TMTC2: variants seen among roughly 807,000 people sequenced by gnomAD.
TMTC2 encodes the protein transmembrane O-mannosyltransferase targeting cadherins 2, also known as protein O-mannosyl-transferase TMTC2.
In TMTC2, 43 loss-of-function variants were observed where a neutral mutation model predicts 82.4. The ratio of observed to expected loss-of-function variants is 0.52; its 90% CI spans 0.41 to 0.67. TMTC2 has a LOEUF of 0.67. TMTC2 is among the 30% of genes least tolerant of loss of function. The pLI is 0.00. For missense variants in TMTC2, 919 were observed against 1,012.4 expected (o/e 0.91, Z 1.25); for synonymous variants, 408 against 381.9 (o/e 1.07, Z -0.80).
chr12:82,721,834 A>G (rs1874220631), intron 1 of TMTC2, among the ~76,000 whole-genome samples: 1 of 152,314 alleles, frequency 6.6e-6, no homozygotes, highest in South Asian at 2.1e-4. Flanking sequence ...TCCATTCACA[A>G]TTGTGTTTGC....
At chr12:83,034,177 T>C (rs1881568133) in intron 9 of TMTC2, among the ~76,000 whole-genome samples, 1 of 152,080 alleles carries the variant, frequency 6.6e-6, no homozygotes, top group African/African-American at 2.4e-5. Flanking sequence ...ATAAACAGGA[T>C]GTCATCTTTA....
rs1489064669 is a variant in TMTC2, at chr12:82,938,438, T to A, written c.1598+7893T>A. Among the ~76,000 whole-genome samples the A allele has an allele frequency of 1.4e-4, 22 of 152,042 alleles. 1 individual carries two copies. The highest frequency in any genetic ancestry group is 1.4e-3 in the Admixed American group (22 of 15,264). ...CAGGGTTTCCTACCAAGCTCCATAG[T>A]AGGGATATGTGTTGGGGATAGAGGG... is the stretch of plus-strand genomic sequence containing the variant. On this transcript the variant is annotated intron_variant, in intron 4 of 11. Coordinates refer to ENST00000321196, the MANE Select transcript of TMTC2 (RefSeq NM_152588.3).
At chr12:82,752,018 T>C (rs1039704901) in intron 1 of TMTC2, among the ~76,000 whole-genome samples, 10 of 152,190 alleles carry the variant, frequency 6.6e-5, no homozygotes, top group Admixed American at 4.6e-4. Flanking sequence ...CATTTTTATA[T>C]GGGAAAAATG....
chr12:82,719,028 G>A (rs1383834547), intron 1 of TMTC2, among the ~76,000 whole-genome samples: 2 of 134,158 alleles, frequency 1.5e-5, no homozygotes, highest in East Asian at 2.2e-4. Context: ...AGTATATAGA[G>A]CTTAATACAA....
chr12:82,775,494 A>G (rs1283359675), intron 1 of TMTC2, among the ~76,000 whole-genome samples: 1 of 151,914 alleles, frequency 6.6e-6, no homozygotes, highest in Non-Finnish European at 1.5e-5. Context: ...AGATTTCCAT[A>G]CTCAGGAATC....
At chr12:82,744,380 G>A (rs2136957573) in intron 1 of TMTC2, among the ~76,000 whole-genome samples, 1 of 152,200 alleles carries the variant, frequency 6.6e-6, no homozygotes, top group South Asian at 2.1e-4. Context: ...CCAAGATTGT[G>A]CCACTGCACT....
rs1213652104 is a variant in TMTC2, at chr12:82,997,201, CT to C, written c.2070+11156del. ...CCCACCCCTCCCCCTCTCCCTCCCC[CT>C]CTCCCTCTCTCTCTCTCTCTATATA... On this transcript the variant is annotated intron_variant, in intron 8 of 11. Coordinates refer to ENST00000321196, the MANE Select transcript of TMTC2 (RefSeq NM_152588.3). Among the ~76,000 whole-genome samples, 13 of 131,640 alleles carry C rather than the reference CT, an allele frequency of 9.9e-5. No individual in the cohort carries two copies. In the South Asian group the frequency reaches 2.6e-3, roughly 26 times the overall value. The allele number at this position is 131,640 out of a possible 152,430, so 86.4% of individuals were successfully genotyped here. A position where few individuals can be genotyped will look rare whatever the true frequency, so the allele number is the denominator to read the frequency against.
intron 8 of TMTC2, among the ~76,000 whole-genome samples, chr12:82,991,645 A>G (rs181543809): frequency 1.1e-4 from 16 of 152,356 alleles, no homozygotes; most frequent in African/African-American, 3.6e-4. Context: ...GTCATGTCCA[A>G]TTAAAATACT....
At chr12:82,936,118 C>A (rs377754817) in intron 4 of TMTC2, among the ~76,000 whole-genome samples, 5 of 151,736 alleles carry the variant, frequency 3.3e-5, no homozygotes, top group Non-Finnish European at 7.4e-5. Context: ...GAAAATCATA[C>A]GAATATATAT....
At chr12:83,023,946 T>C (rs1029547971) in intron 8 of TMTC2, among the ~76,000 whole-genome samples, 1 of 152,254 alleles carries the variant, frequency 6.6e-6, no homozygotes, top group South Asian at 2.1e-4. Flanking sequence ...CAAACATTAA[T>C]ATCAGTTAAC....
intron 1 of TMTC2, among the ~76,000 whole-genome samples, chr12:82,838,784 GT>G (rs201941481): frequency 0.014 from 1,934 of 135,182 alleles, 14 homozygotes; most frequent in African/African-American, 0.017. Context: ...ATTTTTTCTT[GT>G]TTTTTTTTTT....
chr12:83,001,531 A>T (rs10862538), intron 8 of TMTC2, among the ~76,000 whole-genome samples: 115,486 of 150,432 alleles, frequency 0.77, 45,781 homozygotes, highest in South Asian at 0.93. Flanking sequence ...GCTACTTGGG[A>T]GGCTGAGGCA....
At chr12:82,689,969 A>C (rs574189276) in intron 1 of TMTC2, among the ~76,000 whole-genome samples, 230 of 152,372 alleles carry the variant, frequency 1.5e-3, no homozygotes, top group African/African-American at 5.4e-3. Flanking sequence ...ATATGCCATC[A>C]CATATTCTTA....
At chr12:82,828,594 C>T (rs1333123842) in intron 1 of TMTC2, among the ~76,000 whole-genome samples, 1 of 152,098 alleles carries the variant, frequency 6.6e-6, no homozygotes. Flanking sequence ...TTAAGCCTTT[C>T]ATATGAGTGA....
At chr12:82,992,105 G>C (rs1879426384) in intron 8 of TMTC2, among the ~76,000 whole-genome samples, 1 of 152,200 alleles carries the variant, frequency 6.6e-6, no homozygotes, top group South Asian at 2.1e-4. Flanking sequence ...TCTAGCCAAA[G>C]TTAATTAGGC....
intron 1 of TMTC2, among the ~76,000 whole-genome samples, chr12:82,707,624 G>C (rs1873424008): frequency 6.6e-6 from 1 of 152,172 alleles, no homozygotes; most frequent in Non-Finnish European, 1.5e-5. Flanking sequence ...TCCTGACTTG[G>C]GGAATGGTAG....
intron 8 of TMTC2, among the ~76,000 whole-genome samples, chr12:83,019,746 C>A (rs1016141039): frequency 3.3e-5 from 5 of 152,274 alleles, no homozygotes; most frequent in Non-Finnish European, 4.4e-5. Flanking sequence ...ATAAATTTCT[C>A]TCATGTCAGT....
intron 7 of TMTC2, among the ~76,000 whole-genome samples, chr12:82,979,692 T>A (rs1363311417): frequency 6.6e-6 from 1 of 151,770 alleles, no homozygotes; most frequent in Non-Finnish European, 1.5e-5. Flanking sequence ...TACCAGTGAG[T>A]TTTGTACTTT....
chr12:83,124,983 A>G (rs1037395177), intron 11 of TMTC2, among the ~76,000 whole-genome samples: 2 of 152,190 alleles, frequency 1.3e-5, no homozygotes, highest in Non-Finnish European at 2.9e-5. Context: ...AATATGAAAC[A>G]TATTGTTCAT....
Sources: gnomAD v4.1 joint callset for allele counts (sites outside exome capture counted in the v4.1 genomes callset) on GRCh38, gnomAD v4.1.1 for gene constraint, MANE v1.5 for transcripts, NCBI Gene and HGNC (gene_info 2026-07-23, HGNC 2026-07-21) for gene names.